Variants in TAS2R1 observed in about 807,000 individuals in gnomAD.
The protein encoded by TAS2R1 is taste receptor type 2 member 1.
For missense variants in TAS2R1, 370 were observed against 353.4 expected (o/e 1.05, Z -0.38); for synonymous variants, 141 against 134.2 (o/e 1.05, Z -0.35).
At chr5:9,763,009 G>T in the TAS2R1 span, among the ~76,000 whole-genome samples, 49 of 152,148 alleles carry the variant, frequency 3.2e-4, no homozygotes, top group African/African-American at 1.1e-3. Flanking sequence ...CCCATTCAGA[G>T]AAAGAAATAT....
the TAS2R1 span, among the ~76,000 whole-genome samples, chr5:9,719,455 T>C: frequency 6.6e-6 from 1 of 152,220 alleles, no homozygotes; most frequent in East Asian, 1.9e-4. Flanking sequence ...TCCTCGCTTT[T>C]GTCTACCCTG....
chr5:9,867,764 C>A, the TAS2R1 span, among the ~76,000 whole-genome samples: 1 of 152,238 alleles, frequency 6.6e-6, no homozygotes, highest in African/African-American at 2.4e-5. Flanking sequence ...AAAGTCTCAT[C>A]TAAGACAAGT....
the TAS2R1 span, among the ~76,000 whole-genome samples, chr5:9,767,567 G>C: frequency 6.6e-6 from 1 of 152,156 alleles, no homozygotes; most frequent in Non-Finnish European, 1.5e-5. Context: ...ACTGGGTCTT[G>C]ATCCTCAGCA....
chr5:9,830,566 A>ATGGT, the TAS2R1 span, among the ~76,000 whole-genome samples: 2 of 151,238 alleles, frequency 1.3e-5, no homozygotes, highest in African/African-American at 4.9e-5. Context: ...GAGATGATAG[A>ATGGT]TGGTTGGTAG....
At chr5:9,886,645 A>C in the TAS2R1 span, among the ~76,000 whole-genome samples, 1 of 152,080 alleles carries the variant, frequency 6.6e-6, no homozygotes, top group Non-Finnish European at 1.5e-5. Context: ...ATTTTTATAT[A>C]ATTGTTAAAA....
At chr5:9,783,520 G>A in the TAS2R1 span, among the ~76,000 whole-genome samples, 5 of 152,146 alleles carry the variant, frequency 3.3e-5, no homozygotes, top group Admixed American at 6.5e-5. Flanking sequence ...CTGCTGGGAC[G>A]TCCTTCCTTG....
At chr5:9,870,256 T>G in the TAS2R1 span, 1 of 152,302 alleles carries the variant, frequency 6.6e-6, no homozygotes, top group South Asian at 2.1e-4. Context: ...ATTTACAGCT[T>G]TGGCCTTGGT....
At chr5:9,709,465 T>C (rs1237557138) in intron 1 of TAS2R1, among the ~76,000 whole-genome samples, 3 of 152,334 alleles carry the variant, frequency 2.0e-5, no homozygotes, top group Non-Finnish European at 2.9e-5. Context: ...GAAGCCCCCA[T>C]GACTCCTGCC....
the TAS2R1 span, among the ~76,000 whole-genome samples, chr5:9,864,402 C>T: frequency 7.9e-5 from 12 of 152,004 alleles, no homozygotes; most frequent in African/African-American, 1.9e-4. Context: ...CTGAGACAGG[C>T]GGGTCTCTTG....
chr5:9,876,747 T>C, the TAS2R1 span, among the ~76,000 whole-genome samples: 1 of 152,148 alleles, frequency 6.6e-6, no homozygotes, highest in Non-Finnish European at 1.5e-5. Context: ...GAATACGACT[T>C]CCCAGGAGGG....
chr5:9,806,949 C>T, the TAS2R1 span, among the ~76,000 whole-genome samples: 1 of 152,032 alleles, frequency 6.6e-6, no homozygotes, highest in African/African-American at 2.4e-5. Flanking sequence ...AAATAATCAA[C>T]AAAGTTAACA....
At chr5:9,701,771 C>T (rs1315454095) in intron 1 of TAS2R1, among the ~76,000 whole-genome samples, 2 of 152,184 alleles carry the variant, frequency 1.3e-5, no homozygotes, top group East Asian at 3.9e-4. Context: ...GATAACTAAA[C>T]TTTTCCCAAA....
intron 1 of TAS2R1, among the ~76,000 whole-genome samples, chr5:9,687,491 C>T (rs115268153): frequency 6.6e-6 from 1 of 152,004 alleles, no homozygotes; most frequent in African/African-American, 2.4e-5. Flanking sequence ...CTGAAGCAGG[C>T]CCCTCTGACC....
chr5:9,764,982 C>A, the TAS2R1 span, among the ~76,000 whole-genome samples: 2 of 152,082 alleles, frequency 1.3e-5, no homozygotes, highest in Non-Finnish European at 2.9e-5. Flanking sequence ...AATACAACAT[C>A]AAGTGATAAA....
the TAS2R1 span, among the ~76,000 whole-genome samples, chr5:9,861,041 T>TTTTTTTTTTTTTTTTTTTTTG: frequency 6.7e-6 from 1 of 149,102 alleles, no homozygotes; most frequent in Non-Finnish European, 1.5e-5. Context: ...GATGAGGTTT[T>TTTTTTTTTTTTTTTTTTTTTG]TTTTTTTTTT....
the TAS2R1 span, among the ~76,000 whole-genome samples, chr5:9,880,896 C>T: frequency 1.8e-4 from 27 of 152,118 alleles, no homozygotes; most frequent in Admixed American, 3.3e-4. Context: ...TCAGCCATCC[C>T]TCCTCACTGG....
At chr5:9,768,198 G>C in the TAS2R1 span, among the ~76,000 whole-genome samples, 39 of 152,210 alleles carry the variant, frequency 2.6e-4, no homozygotes, top group African/African-American at 8.7e-4. Flanking sequence ...TGTTCTACCC[G>C]AAGTCTGCAC....
chr5:9,880,861 T>G, the TAS2R1 span, among the ~76,000 whole-genome samples: 1 of 152,092 alleles, frequency 6.6e-6, no homozygotes, highest in African/African-American at 2.4e-5. Flanking sequence ...TAACCAGAGA[T>G]GCCATATACC....
the TAS2R1 span, among the ~76,000 whole-genome samples, chr5:9,718,873 A>G: frequency 1.3e-5 from 2 of 151,826 alleles, no homozygotes; most frequent in African/African-American, 4.9e-5. Context: ...GGGCTACTGT[A>G]TTAAAAAAAA....
Sources: gnomAD v4.1 joint callset for allele counts (sites outside exome capture counted in the v4.1 genomes callset) on GRCh38, gnomAD v4.1.1 for gene constraint, MANE v1.5 for transcripts, NCBI Gene and HGNC (gene_info 2026-07-23, HGNC 2026-07-21) for gene names.